Variants in PLXNA4 observed in about 807,000 individuals in gnomAD.
PLXNA4 encodes plexin-A4.
A neutral mutation model predicts 191.8 loss-of-function variants in PLXNA4; 44 were observed. The observed-to-expected ratio is 0.23, with a 90% CI of 0.18 to 0.29. The LOEUF is 0.29. Ranked by LOEUF, PLXNA4 falls within the 10% of genes least tolerant of loss-of-function variation. The probability of loss-of-function intolerance (pLI) is 1.00; values close to 1 mark genes in which losing one functional copy is unlikely to be tolerated. For synonymous variants in PLXNA4, 1,082 were observed against 1,009.5 expected (o/e 1.07, Z -1.36); for missense variants, 1,800 against 2,488.8 (o/e 0.72, Z 5.89).
Position 132,203,385 on chromosome 7 carries a change from G to A in PLXNA4, c.2333C>T (p.Pro778Leu), listed in dbSNP as rs760032714. Residue 778 changes from proline to leucine, a missense_variant, in exon 11 of 32, where the codon CCC becomes CTC. By Grantham distance (98) the Pro-to-Leu change is moderately conservative. Around this residue, in one of 6 missense-constraint regions of PLXNA4, gnomAD observed 1,397 missense variants for 1,880.4 expected, o/e 0.74. Transcript: ENST00000321063. ...ATTCCACACGACTGTCAACTCCACG[G>A]GCAGGTTGTTGATCTCCATCCCTTC... ...SYEGMEINNL[P>L]VELTVVWNGH... 1 of 1,614,164 alleles carries A rather than the reference G, an allele frequency of 6.2e-7. No homozygotes were observed. Among genetic ancestry groups the A allele is most frequent in the Non-Finnish European group, 8.5e-7 (1 of 1,180,030 alleles).
chr7:132,415,934 C>T (rs10235318), intron 3 of PLXNA4, among the ~76,000 whole-genome samples: 37,090 of 152,108 alleles, frequency 0.24, 8,869 homozygotes, highest in African/African-American at 0.61. Flanking sequence ...CTAGAGAGCA[C>T]TGGGGAAAGA....
chr7:132,562,813 CCTTCTCCTCCT>C (rs1801296006), intron 1 of PLXNA4, among the ~76,000 whole-genome samples: 1 of 120,744 alleles, frequency 8.3e-6, no homozygotes, highest in South Asian at 3.3e-4. Flanking sequence ...TTCTCCTCCT[CCTTCTCCTCCT>C]CCTTCTCCTC....
intron 3 of PLXNA4, among the ~76,000 whole-genome samples, chr7:132,415,215 G>A (rs905464178): frequency 6.6e-6 from 1 of 152,246 alleles, no homozygotes; most frequent in Non-Finnish European, 1.5e-5. Flanking sequence ...AGAGCAACAA[G>A]GGCCTGCCTG....
rs1053227014 is a variant in PLXNA4, at chr7:132,533,959, G to A, written c.-86-25180C>T. ...TTATTATTATTATTACTATTATTAT[G>A]TTAACAAGTCACCAGGCAACAAAGG... On this transcript the variant is annotated intron_variant, in intron 1 of 31. Coordinates refer to ENST00000321063, the MANE Select transcript of PLXNA4 (RefSeq NM_020911.2). Among the ~76,000 whole-genome samples, 973 of 150,580 alleles carry A rather than the reference G, an allele frequency of 6.5e-3. 10 individuals are homozygous for A. The highest frequency in any genetic ancestry group is 0.023 in the African/African-American group (923 of 40,966).
intron 3 of PLXNA4, among the ~76,000 whole-genome samples, chr7:132,488,532 C>T (rs574584133): frequency 3.8e-4 from 58 of 152,328 alleles, no homozygotes; most frequent in African/African-American, 1.4e-3. Context: ...GGAAACAGGA[C>T]CTCCTGCCTA....
At chr7:132,395,916 G>A (rs1241142176) in intron 3 of PLXNA4, among the ~76,000 whole-genome samples, 1 of 152,184 alleles carries the variant, frequency 6.6e-6, no homozygotes, top group African/African-American at 2.4e-5. Context: ...TCACTGTTTG[G>A]GGGTATTTTG....
intron 25 of PLXNA4, among the ~76,000 whole-genome samples, 170 bp from the exon 26 acceptor site, chr7:132,148,816 C>A (rs1315149382): frequency 6.6e-6 from 1 of 152,120 alleles, no homozygotes; most frequent in Non-Finnish European, 1.5e-5. Flanking sequence ...GCAGAGAGGC[C>A]CTGAGTTCCA....
At chr7:132,287,931 C>G (rs1800745344) in intron 4 of PLXNA4, among the ~76,000 whole-genome samples, 1 of 152,210 alleles carries the variant, frequency 6.6e-6, no homozygotes, top group Non-Finnish European at 1.5e-5. Flanking sequence ...CTGCACTGCT[C>G]CACCACCCCA....
intron 21 of PLXNA4, among the ~76,000 whole-genome samples, chr7:132,169,860 C>T (rs57305701): frequency 0.063 from 9,572 of 151,972 alleles, 423 homozygotes; most frequent in Non-Finnish European, 0.077. Context: ...AACCAAAAGA[C>T]GTACTTAAAA....
chr7:132,392,565 T>C (rs1585073444), intron 3 of PLXNA4, among the ~76,000 whole-genome samples: 2 of 152,328 alleles, frequency 1.3e-5, no homozygotes, highest in South Asian at 4.1e-4. Context: ...TCCAGGCAGG[T>C]AGCCGAGTGC....
At chr7:132,561,192 T>A (rs552175699) in intron 1 of PLXNA4, among the ~76,000 whole-genome samples, 1 of 152,110 alleles carries the variant, frequency 6.6e-6, no homozygotes, top group East Asian at 1.9e-4. Flanking sequence ...TGCTGCTTCC[T>A]CCACGTGGGA....
At chr7:132,481,160 A>C (rs1330489572) in intron 3 of PLXNA4, among the ~76,000 whole-genome samples, 1 of 152,102 alleles carries the variant, frequency 6.6e-6, no homozygotes, top group Admixed American at 6.5e-5. Flanking sequence ...CTGTCCCTAA[A>C]GTGCTCCCCT....
Position 132,227,366 on chromosome 7 carries a change from T to C in PLXNA4, c.1882+85A>G, listed in dbSNP as rs1000760039. On this transcript the variant is annotated intron_variant, in intron 7 of 31. Transcript: ENST00000321063. ...TGACTCTCTCCTGCCTGCAGGTTGC[T>C]TTGATCCCCCCACATCTGTCCTGAG... 3.2e-6 allele frequency: 5 copies of C among 1,563,120 alleles called. No individual in the cohort carries two copies. In the African/African-American group the frequency reaches 6.8e-5, roughly 21 times the overall value.
rs375223898 is a variant in PLXNA4 at position 132,335,835 on chromosome 7, C to T, written c.1372-37613G>A. 1.4e-4 allele frequency among the ~76,000 whole-genome samples: 21 copies of T among 152,336 alleles called. 1 individual carries two copies. Among genetic ancestry groups the T allele is most frequent in the African/African-American group, 5.1e-4 (21 of 41,576 alleles). ...ATGCACCTGGATCTGCAGGTCTGTC[C>T]TCTGTGTTGCCACCTTGTCTCAAGA... On this transcript the variant is annotated intron_variant, in intron 3 of 31. Coordinates refer to ENST00000321063, the MANE Select transcript of PLXNA4 (RefSeq NM_020911.2).
At chr7:132,397,928 C>T (rs1043345845) in intron 3 of PLXNA4, among the ~76,000 whole-genome samples, 4 of 152,350 alleles carry the variant, frequency 2.6e-5, no homozygotes, top group African/African-American at 9.6e-5. Flanking sequence ...AGTCTCCTGA[C>T]TGCCAGTCAC....
chr7:132,227,751 T>G, intron 6 of PLXNA4, 147 bp from the exon 7 acceptor site: 2 of 1,010,564 alleles, frequency 2.0e-6, no homozygotes, highest in Non-Finnish European at 2.9e-6. Flanking sequence ...GAGAAGAGAC[T>G]CAGGTTATTA....
At chr7:132,546,521 C>T (rs577765149) in intron 1 of PLXNA4, among the ~76,000 whole-genome samples, 5 of 152,264 alleles carry the variant, frequency 3.3e-5, no homozygotes, top group South Asian at 2.1e-4. Flanking sequence ...AAACAGTGGG[C>T]ACTGTTAATT....
At chr7:132,491,031 T>TCA (rs995533532) in intron 2 of PLXNA4, among the ~76,000 whole-genome samples, 5 of 152,178 alleles carry the variant, frequency 3.3e-5, no homozygotes, top group East Asian at 1.9e-4. Context: ...AGCTTGGGTC[T>TCA]CACACACACA....
chr7:132,608,686 C>T (rs1802988856), intron 2 of PLXNA4, among the ~76,000 whole-genome samples: 1 of 152,116 alleles, frequency 6.6e-6, no homozygotes, highest in South Asian at 2.1e-4. Flanking sequence ...TCCCAGCATC[C>T]CCCACCCCCG....
Sources: gnomAD v4.1 joint callset for allele counts (sites outside exome capture counted in the v4.1 genomes callset) on GRCh38, gnomAD v4.1.1 for gene constraint, gnomAD v4.1.1 regional missense constraint, MANE v1.5 for transcripts, NCBI Gene and HGNC (gene_info 2026-07-23, HGNC 2026-07-21) for gene names.